Variants in ERCC3 observed in about 807,000 individuals in gnomAD.
The protein encoded by ERCC3 is general transcription and DNA repair factor IIH helicase/translocase subunit XPB.
Under a neutral mutation model 94.2 loss-of-function variants are expected in ERCC3, and 66 were observed. That is an observed-to-expected ratio of 0.70 (90% CI 0.57 to 0.86). ERCC3 has a LOEUF of 0.86. Among genes scored for constraint, ERCC3 ranks in the 40% least tolerant of loss-of-function variants. The pLI is 0.00. For synonymous variants in ERCC3, 349 were observed against 369.1 expected (o/e 0.95, Z 0.63); for missense variants, 829 against 987.1 (o/e 0.84, Z 2.15).
chr2:127,269,336 C>G (rs949986504), intron 12 of ERCC3, among the ~76,000 whole-genome samples: 1 of 151,332 alleles, frequency 6.6e-6, no homozygotes, highest in Non-Finnish European at 1.5e-5. Context: ...TTTCTCAAAT[C>G]TTACAAGAGC....
intron 6 of ERCC3, 61 bp from the exon 7 acceptor site, chr2:127,288,925 C>G (rs771900574): frequency 5.4e-5 from 71 of 1,303,416 alleles, no homozygotes; most frequent in Non-Finnish European, 7.5e-5. Context: ...AACATTACAT[C>G]TTCTAAGAGG....
In ERCC3 at chr2:127,257,430, A is replaced by G. The variant is rs935907164; in HGVS notation, c.*166T>C. 13 of 839,414 alleles carry G rather than the reference A, an allele frequency of 1.5e-5. No individual in the cohort carries two copies. The highest frequency in any genetic ancestry group is 2.7e-5 in the Non-Finnish European group (13 of 482,374). The allele number at this position is 839,414 out of a possible 1,614,324, so 52.0% of individuals were successfully genotyped here. Reference sequence around the variant, plus strand: ...GTCTCCTCCTCCTTTATAAAACCCTAGATGACCTATGAAGGCACAGCCAAG... The same window carrying G: ...GTCTCCTCCTCCTTTATAAAACCCTGGATGACCTATGAAGGCACAGCCAAG... On this transcript the variant is annotated 3_prime_UTR_variant, in exon 15 of 15. Coordinates refer to ENST00000285398, the MANE Select transcript of ERCC3 (RefSeq NM_000122.2). The surrounding 1 kb of genome is among the most constrained non-coding windows in gnomAD (Gnocchi z 5.4).
At chr2:127,283,027 G>A (rs565631681) in intron 8 of ERCC3, among the ~76,000 whole-genome samples, 1 of 150,874 alleles carries the variant, frequency 6.6e-6, no homozygotes, top group Non-Finnish European at 1.5e-5. Flanking sequence ...CTCCTTTGTG[G>A]GTAGTGATTC....
chr2:127,282,754 T>G lies in ERCC3; in HGVS notation c.1343-2123A>C, dbSNP rs1364239564. 5.9e-5 allele frequency among the ~76,000 whole-genome samples: 9 copies of G among 152,226 alleles called. No homozygotes were observed. In the East Asian group the frequency reaches 1.7e-3, roughly 29 times the overall value. On this transcript the variant is annotated intron_variant, in intron 8 of 14. Coordinates refer to ENST00000285398, the MANE Select transcript of ERCC3 (RefSeq NM_000122.2). The stretch of plus-strand genomic sequence containing the variant: ...ATCCCTTAGAGTTTGTTGGTTTCAC[T>G]CCGCAACTCAACCAAAGACTAACTC...
At position 127,294,071 on chromosome 2, in the gene ERCC3, CTT is replaced by C; in HGVS notation, c.9_10del (p.Asp5ProfsTer15). On this transcript the variant is annotated frameshift_variant, in exon 1 of 15. Transcript: ENST00000285398. LOFTEE classifies it high-confidence loss of function. ...CGTCTCACCGCGGTCCGCTCGGTCT[CTT>C]TTGCCCATGGCAGCTACAGCAGCAG... 1 of 1,608,362 alleles carries C rather than the reference CTT, an allele frequency of 6.2e-7. No homozygotes were observed. Among genetic ancestry groups the C allele is most frequent in the Non-Finnish European group, 8.5e-7 (1 of 1,179,598 alleles).
chr2:127,272,391 C>G (rs1684587727), intron 11 of ERCC3, among the ~76,000 whole-genome samples: 1 of 152,076 alleles, frequency 6.6e-6, no homozygotes, highest in South Asian at 2.1e-4. Context: ...AACTGTGGGG[C>G]TACAGCTTCT....
At position 127,280,955 on chromosome 2, in the gene ERCC3, T is replaced by A; in HGVS notation, c.1343-324A>T. The A allele has an allele frequency of 6.1e-6, 3 of 491,500 alleles. No individual in the cohort carries two copies. Among genetic ancestry groups the A allele is most frequent in the South Asian group, 4.3e-5 (1 of 23,334 alleles). 30.4% of individuals were successfully genotyped at this position (491,500 alleles called of 1,614,324 possible). On this transcript the variant is annotated intron_variant, in intron 8 of 14. Transcript: ENST00000285398. This position sits in a 1 kb window ranked among gnomAD's most constrained non-coding sequence, Gnocchi z 6.3. ...AGACAAGAATGACTAGGCAAATGCT[T>A]CACCATCACTTTTAGACCTGTCCAA... is the stretch of plus-strand genomic sequence containing the variant.
At chr2:127,270,690 A>C (rs952303355) in intron 12 of ERCC3, among the ~76,000 whole-genome samples, 2 of 152,204 alleles carry the variant, frequency 1.3e-5, no homozygotes, top group African/African-American at 2.4e-5. Flanking sequence ...GGTCCCAGTA[A>C]GACAGACACG....
At position 127,261,257 on chromosome 2, in the gene ERCC3, A is replaced by AT. The variant is rs1386393408; in HGVS notation, c.2034dup (p.Phe679IlefsTer8). Reference sequence around the variant, plus strand: ...AAGCTATAACCTTGATCTACCAAGAATCTCTGCCGCTTGGTTGAGTAAGCC... The same window carrying AT: ...AAGCTATAACCTTGATCTACCAAGAATTCTCTGCCGCTTGGTTGAGTAAGCC... On this transcript the variant is annotated frameshift_variant, in exon 13 of 15. Coordinates refer to ENST00000285398, the MANE Select transcript of ERCC3 (RefSeq NM_000122.2). LOFTEE classifies it high-confidence loss of function. 1 of 1,611,838 alleles carries AT rather than the reference A, an allele frequency of 6.2e-7. No homozygotes were observed. The highest frequency in any genetic ancestry group is 8.5e-7 in the Non-Finnish European group (1 of 1,177,838).
rs764330927 is a variant in ERCC3, at chr2:127,257,670, T to C, written c.2275A>G (p.Met759Val). ...TTGCTCCGCGATGAGTGGTACTCCATGTACACAGTGTCGTCGGCCCCAGAC... is the reference window on the plus strand; with the variant it reads ...TTGCTCCGCGATGAGTGGTACTCCACGTACACAGTGTCGTCGGCCCCAGAC... ...SMSGADDTVY[M>V]EYHSSRSKAP... The change falls in exon 15 of 15, where the codon ATG becomes GTG. Residue 759 changes from methionine to valine, a missense_variant. Physicochemically the swap from Met to Val is conservative, Grantham distance 21. Coordinates refer to ENST00000285398, the MANE Select transcript of ERCC3 (RefSeq NM_000122.2). The surrounding 1 kb of genome is among the most constrained non-coding windows in gnomAD (Gnocchi z 5.4). 49 of 1,614,180 alleles carry C rather than the reference T, an allele frequency of 3.0e-5. No homozygotes were observed. In the South Asian group the frequency reaches 3.1e-4, roughly 10 times the overall value.
Position 127,280,463 on chromosome 2 carries a change from T to C in ERCC3, c.1511A>G (p.Lys504Arg). The stretch of plus-strand genomic sequence containing the variant: ...CCCAGCTACCTCAGCACACTGGACT[T>C]TGGCGATGTAGCCATTATTCTGCAG... ...MELQNNGYIAKVQCAEVWCPM... is the reference protein window; with the variant it reads ...MELQNNGYIARVQCAEVWCPM... The change falls in exon 9 of 15, where the codon AAA becomes AGA. Residue 504 changes from lysine (K) to arginine (R), a missense_variant. Transcript: ENST00000285398. This position sits in a 1 kb window ranked among gnomAD's most constrained non-coding sequence, Gnocchi z 6.3. 4 of 1,612,734 alleles carry C rather than the reference T, an allele frequency of 2.5e-6. No individual in the cohort carries two copies. The South Asian group carries it at 3.3e-5, about 13-fold the overall frequency.
At chr2:127,283,804 G>A (rs1483206097) in intron 8 of ERCC3, among the ~76,000 whole-genome samples, 2 of 152,204 alleles carry the variant, frequency 1.3e-5, no homozygotes, top group Admixed American at 6.5e-5. Flanking sequence ...GCAGTTCCCT[G>A]ATGACTAATG....
Position 127,289,715 on chromosome 2 carries a change from T to C in ERCC3, c.631A>G (p.Thr211Ala). 2 of 1,614,126 alleles carry C rather than the reference T, an allele frequency of 1.2e-6. No homozygotes were observed. The highest frequency in any genetic ancestry group is 1.7e-6 in the Non-Finnish European group (2 of 1,180,020). Reference sequence around the variant, plus strand: ...GCAGATTTGCTTGTGAAAGTCTCTGTGATGAGCTCAGTGGCCTCCCCTTCA... The same window carrying C: ...GCAGATTTGCTTGTGAAAGTCTCTGCGATGAGCTCAGTGGCCTCCCCTTCA... ...NSEGEATELI[T>A]ETFTSKSAIS... Residue 211 changes from threonine (T) to alanine (A), a missense_variant, in exon 5 of 15, where the codon ACA becomes GCA. Thr to Ala is a moderately conservative substitution (Grantham distance 58, BLOSUM62 0). Coordinates refer to ENST00000285398, the MANE Select transcript of ERCC3 (RefSeq NM_000122.2).
rs1405887613 is a variant in ERCC3 at position 127,272,960 on chromosome 2, G to A, written c.1732C>T (p.Pro578Ser). 1.3e-6 allele frequency: 2 copies of A among 1,588,200 alleles called. No individual in the cohort carries two copies. The highest frequency in any genetic ancestry group is 2.2e-5 in the South Asian group (2 of 90,516). The stretch of plus-strand genomic sequence containing the variant: ...TGAGACGTAGGTCCGTAGATATAGG[G>A]TCTAGAGAAGAATGAAGCTGTGTTA... ...LKEYAIRLNKPYIYGPTSQGE... is the reference protein window; with the variant it reads ...LKEYAIRLNKSYIYGPTSQGE... Residue 578 changes from proline to serine, a missense_variant and splice_region_variant, in exon 11 of 15, where the codon CCC becomes TCC. By Grantham distance (74) the Pro-to-Ser change is moderately conservative (BLOSUM62 -1). Transcript: ENST00000285398.
rs1047918734 is a variant in ERCC3, at chr2:127,271,253, C to A, written c.1945+83G>T. 11 of 937,210 alleles carry A rather than the reference C, an allele frequency of 1.2e-5. No individual in the cohort carries two copies. In the Admixed American group the frequency reaches 1.5e-4, roughly 13 times the overall value. 58.1% of individuals were successfully genotyped at this position (937,210 alleles called of 1,614,324 possible). ...GTCTATTTAGCCCCAGGGCACATGG[C>A]AGCTCTCACCCCTATCGTCTTCCTA... On this transcript the variant is annotated intron_variant, in intron 12 of 14. Transcript: ENST00000285398. This position sits in a 1 kb window ranked among gnomAD's most constrained non-coding sequence, Gnocchi z 5.0.
At chr2:127,293,796 T>C (rs987282343) in intron 1 of ERCC3, 78 bp from the exon 2 acceptor site, 10 of 1,599,398 alleles carry the variant, frequency 6.3e-6, no homozygotes, top group African/African-American at 1.3e-5. Context: ...GCATTTCACC[T>C]GCGCCGCCGC....
chr2:127,283,724 G>A (rs970108374), intron 8 of ERCC3, among the ~76,000 whole-genome samples: 14 of 152,172 alleles, frequency 9.2e-5, no homozygotes, highest in African/African-American at 1.4e-4. Flanking sequence ...ATCAGCACCC[G>A]CACATCAGTA....
chr2:127,287,676 C>T lies in ERCC3; in HGVS notation c.1028-659G>A, dbSNP rs576842329. 4.6e-5 allele frequency among the ~76,000 whole-genome samples: 7 copies of T among 152,240 alleles called. No homozygotes were observed. In the South Asian group the frequency reaches 1.4e-3, roughly 32 times the overall value. ...ATTGAAAAACTAAAGCTGAGGAGTA[C>T]TTTACCTTGCCCACAGCCACGGGAC... is the stretch of plus-strand genomic sequence containing the variant. On this transcript the variant is annotated intron_variant, in intron 7 of 14. Coordinates refer to ENST00000285398, the MANE Select transcript of ERCC3 (RefSeq NM_000122.2).
chr2:127,276,226 A>G (rs906997894), intron 10 of ERCC3, among the ~76,000 whole-genome samples: 6 of 152,138 alleles, frequency 3.9e-5, no homozygotes, highest in Admixed American at 2.0e-4. Context: ...AGTCCTAGAG[A>G]TACTGGCATT....
Sources: gnomAD v4.1 joint callset for allele counts (sites outside exome capture counted in the v4.1 genomes callset) on GRCh38, gnomAD v4.1.1 for gene constraint, Gnocchi (gnomAD v3.1) non-coding constraint, MANE v1.5 for transcripts, NCBI Gene and HGNC (gene_info 2026-07-23, HGNC 2026-07-21) for gene names.